Variants in AP4E1 observed in about 807,000 individuals in gnomAD.
AP4E1 encodes AP-4 complex subunit epsilon-1.
A neutral mutation model predicts 128.2 loss-of-function variants in AP4E1; 56 were observed. The ratio of observed to expected loss-of-function variants is 0.44; its 90% CI spans 0.35 to 0.55. The LOEUF (loss-of-function observed/expected upper bound fraction) is 0.55. Among genes scored for constraint, AP4E1 ranks in the 20% least tolerant of loss-of-function variants. The probability of loss-of-function intolerance (pLI) is 0.00; values close to 1 mark genes in which losing one functional copy is unlikely to be tolerated. For missense variants in AP4E1, 1,324 were observed against 1,307.7 expected, an observed-to-expected ratio of 1.01 and a Z score of -0.19; for synonymous variants, 484 against 473.1, an observed-to-expected ratio of 1.02 and a Z score of -0.30.
chr15:50,986,904 T>G (rs2064733636), intron 16 of AP4E1, among the ~76,000 whole-genome samples: 1 of 152,210 alleles, frequency 6.6e-6, no homozygotes, highest in Non-Finnish European at 1.5e-5. Context: ...TCCTTGTACC[T>G]CTGGTAGAAT....
chr15:50,949,560 G>T (rs1167842233), intron 11 of AP4E1, among the ~76,000 whole-genome samples: 1 of 151,960 alleles, frequency 6.6e-6, no homozygotes, highest in Non-Finnish European at 1.5e-5. Context: ...GTTTCTTTCA[G>T]TTATTTCACA....
At chr15:50,970,830 T>A (rs991463956) in intron 15 of AP4E1, among the ~76,000 whole-genome samples, 4 of 152,294 alleles carry the variant, frequency 2.6e-5, no homozygotes, top group African/African-American at 9.6e-5. Flanking sequence ...TTCTGTATCT[T>A]TTAAGTGGGG....
chr15:50,922,802 G>A (rs921859817), intron 3 of AP4E1, among the ~76,000 whole-genome samples: 3 of 149,014 alleles, frequency 2.0e-5, no homozygotes, highest in Non-Finnish European at 3.0e-5. Context: ...TTTTGAGACC[G>A]AGTCTTGCTC....
Position 50,941,778 on chromosome 15 carries a change from A to C in AP4E1, c.1176+3A>C. On this transcript the variant is annotated splice_donor_region_variant and intron_variant, in intron 10 of 20. Transcript: ENST00000261842. Reference sequence around the variant, plus strand: ...CTGATCCCATTATTAAAAGAGAGGTAAACTGGTATTTTGAATAGTATATGT... The same window carrying C: ...CTGATCCCATTATTAAAAGAGAGGTCAACTGGTATTTTGAATAGTATATGT... 6.3e-7 allele frequency: 1 copy of C among 1,599,634 alleles called. No individual in the cohort carries two copies. Among genetic ancestry groups the C allele is most frequent in the Non-Finnish European group, 8.6e-7 (1 of 1,167,166 alleles).
At chr15:50,976,084 G>A (rs985523891) in intron 15 of AP4E1, among the ~76,000 whole-genome samples, 2 of 148,908 alleles carry the variant, frequency 1.3e-5, no homozygotes, top group African/African-American at 4.9e-5. Context: ...AGCAAAGCCA[G>A]ACAGAGCCAC....
Position 51,003,978 on chromosome 15 carries a change from G to A in AP4E1, c.*1316G>A, listed in dbSNP as rs2064993502. 1.3e-5 allele frequency: 2 copies of A among 152,160 alleles called. No homozygotes were observed. Among genetic ancestry groups the A allele is most frequent in the Non-Finnish European group, 2.9e-5 (2 of 68,000 alleles). 9.4% of individuals were successfully genotyped at this position (152,160 alleles called of 1,614,324 possible). ...ATAGATTTCATTAGTCATTTGTGTC[G>A]AGTATTCCTCCCTAAAAACAAAAGC... On this transcript the variant is annotated 3_prime_UTR_variant, in exon 21 of 21. Transcript: ENST00000261842.
At chr15:50,913,820 C>T (rs2063595030) in intron 2 of AP4E1, among the ~76,000 whole-genome samples, 1 of 151,954 alleles carries the variant, frequency 6.6e-6, no homozygotes, top group South Asian at 2.1e-4. Context: ...TTTTTGGGGG[C>T]GGCAGGGTGG....
In AP4E1 at chr15:50,997,566, T is replaced by G; in HGVS notation, c.2587T>G (p.Leu863Val). The G allele has an allele frequency of 6.2e-7, 1 of 1,614,116 alleles. No individual in the cohort carries two copies. Among genetic ancestry groups the G allele is most frequent in the Non-Finnish European group, 8.5e-7 (1 of 1,179,982 alleles). Residue 863 changes from leucine (L) to valine (V), a missense_variant, in exon 18 of 21, where the codon TTG (leucine) becomes GTG (valine). Transcript: ENST00000261842. ...LDSESLTELP[L>V]VEKFSYCSLS... The stretch of plus-strand genomic sequence containing the variant: ...TTCTGAGTCACTCACAGAACTGCCC[T>G]TGGTTGAGAAATTCTCATATTGTAG...
Position 50,968,396 on chromosome 15 carries a change from A to G in AP4E1, c.1966+19A>G, listed in dbSNP as rs756709274. ...GAAAAAGGTAATTTTTCATGGATTT[A>G]TGATAAGCTAGAGTGTAGGGATGTA... is the stretch of plus-strand genomic sequence containing the variant. On this transcript the variant is annotated intron_variant, in intron 15 of 20. Coordinates refer to ENST00000261842, the MANE Select transcript of AP4E1 (RefSeq NM_007347.5). 2 of 1,554,364 alleles carry G rather than the reference A, an allele frequency of 1.3e-6. No individual in the cohort carries two copies. Among genetic ancestry groups the G allele is most frequent in the Non-Finnish European group, 1.8e-6 (2 of 1,129,908 alleles).
intron 15 of AP4E1, among the ~76,000 whole-genome samples, chr15:50,969,563 G>A (rs1255904225): frequency 6.6e-6 from 1 of 151,476 alleles, no homozygotes; most frequent in Non-Finnish European, 1.5e-5. Context: ...ATATAGTGAT[G>A]TTTCAATCCT....
intron 10 of AP4E1, chr15:50,946,012 A>G: frequency 1.1e-6 from 1 of 935,680 alleles, no homozygotes; most frequent in Non-Finnish European, 1.7e-6. Context: ...AGTATTCCTA[A>G]CAATCCTGAT....
At chr15:50,966,473 C>T (rs12440387) in intron 14 of AP4E1, among the ~76,000 whole-genome samples, 31,330 of 150,884 alleles carry the variant, frequency 0.21, 3,825 homozygotes, top group East Asian at 0.45. Context: ...ACTACACTTC[C>T]GTTTTCCTCC....
Position 51,002,724 on chromosome 15 carries a change from C to T in AP4E1, c.*62C>T. On this transcript the variant is annotated 3_prime_UTR_variant, in exon 21 of 21. Transcript: ENST00000261842. Reference sequence around the variant, plus strand: ...TGGTTTACATAGATAAACTTATTTACCAAAGTAAAAAGAACTCATGGTACT... The same window carrying T: ...TGGTTTACATAGATAAACTTATTTATCAAAGTAAAAAGAACTCATGGTACT... 2 of 1,591,814 alleles carry T rather than the reference C, an allele frequency of 1.3e-6. No homozygotes were observed. Among genetic ancestry groups the T allele is most frequent in the Non-Finnish European group, 1.7e-6 (2 of 1,163,346 alleles).
rs141379249 is a variant in AP4E1 at position 50,909,710 on chromosome 15, C to T, written c.150+782C>T. On this transcript the variant is annotated intron_variant, in intron 1 of 20. Coordinates refer to ENST00000261842, the MANE Select transcript of AP4E1 (RefSeq NM_007347.5). ...TTTTAATTTTTGTTTTTTTTTGAGA[C>T]GGAGTCTCGCTCTGTCGCGCAGGCT... 1.2e-3 allele frequency among the ~76,000 whole-genome samples: 177 copies of T among 151,640 alleles called. 1 individual carries two copies. Among genetic ancestry groups the T allele is most frequent in the Admixed American group, 3.3e-3 (51 of 15,242 alleles).
intron 19 of AP4E1, among the ~76,000 whole-genome samples, chr15:51,000,036 G>C (rs1192156514): frequency 6.6e-6 from 1 of 151,384 alleles, no homozygotes; most frequent in Non-Finnish European, 1.5e-5. Context: ...AAATATGAAG[G>C]CTGCCTGAAC....
At position 50,930,809 on chromosome 15, in the gene AP4E1, A is replaced by C. The variant is rs1360133658; in HGVS notation, c.707A>C (p.Asn236Thr). ...LHIYLRMIKE[N>T]SSGYKDLTGS... ...TTTTTTTGCGGGGGGATGTAGGAGA[A>C]TTCATCTGGATATAAAGACTTGACT... Residue 236 changes from asparagine (N) to threonine (T), a missense_variant, in exon 7 of 21, where the codon AAT becomes ACT. Transcript: ENST00000261842. The C allele has an allele frequency of 2.5e-6, 4 of 1,614,112 alleles. No individual in the cohort carries two copies. In the South Asian group the frequency reaches 4.4e-5, roughly 18 times the overall value.
chr15:50,974,720 G>T lies in AP4E1; in HGVS notation c.1966+6343G>T, dbSNP rs148225775. 4.7e-3 allele frequency among the ~76,000 whole-genome samples: 718 copies of T among 152,100 alleles called. 10 individuals are homozygous for T. The highest frequency in any genetic ancestry group is 0.017 in the African/African-American group (698 of 41,484). On this transcript the variant is annotated intron_variant, in intron 15 of 20. Coordinates refer to ENST00000261842, the MANE Select transcript of AP4E1 (RefSeq NM_007347.5). ...TCTTTGATAATCACCATCCTGACTG[G>T]TACAAGGTGATGCCTTATTATGGTT... is the stretch of plus-strand genomic sequence containing the variant.
chr15:50,913,719 C>T (rs1329006715), intron 2 of AP4E1, among the ~76,000 whole-genome samples: 1 of 152,156 alleles, frequency 6.6e-6, no homozygotes, highest in African/African-American at 2.4e-5. Context: ...CTTAAATGAA[C>T]CCTTTAACTC....
chr15:50,972,846 G>A (rs2064499795), intron 15 of AP4E1, among the ~76,000 whole-genome samples: 1 of 152,174 alleles, frequency 6.6e-6, no homozygotes, highest in African/African-American at 2.4e-5. Context: ...GGGATGGGGG[G>A]CATGTCTTCT....
Sources: allele counts gnomAD v4.1 joint callset (sites outside exome capture counted in the v4.1 genomes callset), GRCh38; gene constraint gnomAD v4.1.1; transcripts MANE v1.5; gene names NCBI Gene and HGNC (gene_info 2026-07-23, HGNC 2026-07-21).